The following ARID5B variants were observed in gnomAD, a reference collection of about 807,000 sequenced individuals.
ARID5B encodes AT-rich interactive domain-containing protein 5B.
Under a neutral mutation model 97.2 loss-of-function variants are expected in ARID5B, and 13 were observed. That is an observed-to-expected ratio of 0.13 (90% CI 0.09 to 0.21). The LOEUF (loss-of-function observed/expected upper bound fraction) is 0.21. Among genes scored for constraint, ARID5B ranks in the 10% least tolerant of loss-of-function variants. The probability of loss-of-function intolerance (pLI) is 1.00; values close to 1 mark genes in which losing one functional copy is unlikely to be tolerated. For missense variants in ARID5B, 1,210 were observed against 1,465.3 expected (o/e 0.83, Z 2.84); for synonymous variants, 556 against 570.3 (o/e 0.97, Z 0.36).
chr10:62,054,651 G>A (rs1472329020), intron 5 of ARID5B, among the ~76,000 whole-genome samples: 7 of 152,152 alleles, frequency 4.6e-5, no homozygotes, highest in Non-Finnish European at 8.8e-5. Flanking sequence ...TGAGGAAGAG[G>A]GTTAAGCAGC....
intron 2 of ARID5B, among the ~76,000 whole-genome samples, chr10:61,922,061 C>T (rs1238678650): frequency 6.6e-6 from 1 of 152,164 alleles, no homozygotes; most frequent in Non-Finnish European, 1.5e-5. Flanking sequence ...CCCCGCTCTT[C>T]AGGGCATATA....
In ARID5B at chr10:62,095,087, A is replaced by G. The variant is rs1840448228; in HGVS notation, c.*2057A>G. On this transcript the variant is annotated 3_prime_UTR_variant, in exon 10 of 10. Transcript: ENST00000279873. Reference sequence around the variant, plus strand: ...TTCCATTTGCTTCAATTAATTATTTACCTTCCTGTGGAATAATATATATAT... The same window carrying G: ...TTCCATTTGCTTCAATTAATTATTTGCCTTCCTGTGGAATAATATATATAT... The G allele has an allele frequency of 4.4e-6, 1 of 229,132 alleles. No homozygotes were observed. The highest frequency in any genetic ancestry group is 5.7e-5 in the Admixed American group (1 of 17,618). 14.2% of individuals were successfully genotyped at this position (229,132 alleles called of 1,614,324 possible). A position where few individuals can be genotyped will look rare whatever the true frequency, so the allele number is the denominator to read the frequency against.
Position 62,093,065 on chromosome 10 carries a change from C to T in ARID5B, c.*35C>T, listed in dbSNP as rs758396901. 45 of 1,565,912 alleles carry T rather than the reference C, an allele frequency of 2.9e-5. No individual in the cohort carries two copies. The highest frequency in any genetic ancestry group is 2.9e-5 in the Non-Finnish European group (34 of 1,163,126). Reference sequence around the variant, plus strand: ...TGCCCAGCAGTCCAAAGCGGCATGGCCAACAGAGCTTCACTCCTTACCCAG... The same window carrying T: ...TGCCCAGCAGTCCAAAGCGGCATGGTCAACAGAGCTTCACTCCTTACCCAG... On this transcript the variant is annotated 3_prime_UTR_variant, in exon 10 of 10. Transcript: ENST00000279873.
intron 2 of ARID5B, among the ~76,000 whole-genome samples, chr10:61,937,234 G>GT (rs913450516): frequency 3.2e-4 from 48 of 152,252 alleles, no homozygotes; most frequent in African/African-American, 1.1e-3. Context: ...AGTTTCAACT[G>GT]TTTTTTATTT....
chr10:61,996,842 G>A (rs899756670), intron 3 of ARID5B, among the ~76,000 whole-genome samples: 1 of 150,970 alleles, frequency 6.6e-6, no homozygotes, highest in Non-Finnish European at 1.5e-5. Context: ...TATGTACTGG[G>A]GGGTTAGGAG....
chr10:61,903,193 G>C (rs869262), intron 2 of ARID5B, among the ~76,000 whole-genome samples: 1 of 152,178 alleles, frequency 6.6e-6, no homozygotes, highest in Non-Finnish European at 1.5e-5. Context: ...GGAGGGGAGG[G>C]CAGAGGGGTG....
chr10:62,059,519 A>G (rs956048312), intron 7 of ARID5B, among the ~76,000 whole-genome samples: 1 of 152,144 alleles, frequency 6.6e-6, no homozygotes, highest in African/African-American at 2.4e-5. Context: ...AAACATATGT[A>G]ACTCTCCCCT....
intron 2 of ARID5B, among the ~76,000 whole-genome samples, chr10:61,908,180 A>G (rs1337518519): frequency 6.6e-6 from 1 of 152,220 alleles, no homozygotes; most frequent in African/African-American, 2.4e-5. Context: ...AGCCAATATT[A>G]GTATTGTCTA....
chr10:61,912,792 G>A (rs758339245), intron 2 of ARID5B, among the ~76,000 whole-genome samples: 27 of 151,346 alleles, frequency 1.8e-4, no homozygotes, highest in Admixed American at 3.3e-4. Context: ...GGGAAGTCTC[G>A]CATGCTACAG....
At chr10:61,978,972 G>A (rs763088894) in intron 3 of ARID5B, among the ~76,000 whole-genome samples, 2 of 152,142 alleles carry the variant, frequency 1.3e-5, no homozygotes, top group South Asian at 2.1e-4. Context: ...GTTTTTGTCC[G>A]TTCAGTATGA....
Position 62,093,204 on chromosome 10 carries a change from C to T in ARID5B, c.*174C>T. 1 of 972,744 alleles carries T rather than the reference C, an allele frequency of 1.0e-6. No homozygotes were observed. 60.3% of individuals were successfully genotyped at this position (972,744 alleles called of 1,614,324 possible). A position where few individuals can be genotyped will look rare whatever the true frequency, so the allele number is the denominator to read the frequency against. ...AACATGCCTGATTTTTGTGGGACAA[C>T]TCTAGCCCACAAACTGACTGGCTGG... On this transcript the variant is annotated 3_prime_UTR_variant, in exon 10 of 10. Coordinates refer to ENST00000279873, the MANE Select transcript of ARID5B (RefSeq NM_032199.3).
chr10:62,074,624 G>T (rs1002508797), intron 8 of ARID5B, among the ~76,000 whole-genome samples: 5 of 152,198 alleles, frequency 3.3e-5, no homozygotes, highest in Non-Finnish European at 1.5e-5. Context: ...GGGAAGGAAA[G>T]GTGAGTTACA....
intron 3 of ARID5B, among the ~76,000 whole-genome samples, chr10:61,994,348 T>C (rs1323860752): frequency 4.6e-5 from 7 of 152,122 alleles, no homozygotes; most frequent in Admixed American, 6.6e-5. Context: ...AAGCCTCCCC[T>C]CACCCCAAGA....
At chr10:61,968,249 C>T (rs77344266) in intron 3 of ARID5B, among the ~76,000 whole-genome samples, 3,080 of 150,148 alleles carry the variant, frequency 0.021, 69 homozygotes, top group African/African-American at 0.056. Flanking sequence ...TACCCCTTAC[C>T]GACAATGCCC....
chr10:62,067,245 G>A (rs567747276), intron 7 of ARID5B, among the ~76,000 whole-genome samples: 59 of 152,172 alleles, frequency 3.9e-4, no homozygotes, highest in African/African-American at 1.4e-3. Flanking sequence ...CCACCACCCC[G>A]GCTGATTTTG....
intron 3 of ARID5B, among the ~76,000 whole-genome samples, chr10:61,954,020 C>A (rs1273645964): frequency 6.6e-6 from 1 of 152,062 alleles, no homozygotes; most frequent in Non-Finnish European, 1.5e-5. Context: ...GAGCCATGAT[C>A]CCAGTTCTGT....
chr10:61,999,172 T>C (rs1839042166), intron 3 of ARID5B, among the ~76,000 whole-genome samples: 1 of 152,194 alleles, frequency 6.6e-6, no homozygotes. Flanking sequence ...CAGGAAATAG[T>C]TGCTGAACAG....
At chr10:62,017,291 A>G (rs567201035) in intron 4 of ARID5B, among the ~76,000 whole-genome samples, 14 of 152,242 alleles carry the variant, frequency 9.2e-5, no homozygotes, top group African/African-American at 3.4e-4. Flanking sequence ...TGTCTCTACT[A>G]AAAATGCAAA....
intron 4 of ARID5B, among the ~76,000 whole-genome samples, chr10:62,020,065 C>T (rs559369919): frequency 7.2e-5 from 11 of 152,078 alleles, no homozygotes; most frequent in African/African-American, 2.2e-4. Context: ...AACTTTCTGG[C>T]GAGGAGTCTT....
Sources: gnomAD v4.1 joint callset for allele counts (sites outside exome capture counted in the v4.1 genomes callset) on GRCh38, gnomAD v4.1.1 for gene constraint, MANE v1.5 for transcripts, NCBI Gene and HGNC (gene_info 2026-07-23, HGNC 2026-07-21) for gene names.